RBMS3: variants seen among roughly 807,000 people sequenced by gnomAD.
The protein encoded by RBMS3 is RNA binding motif single stranded interacting protein 3, also known as RNA-binding motif, single-stranded-interacting protein 3.
A neutral mutation model predicts 66.8 loss-of-function variants in RBMS3; 27 were observed. The observed-to-expected ratio is 0.40, with a 90% CI of 0.30 to 0.56. The LOEUF is 0.56. Among genes scored for constraint, RBMS3 ranks in the 20% least tolerant of loss-of-function variants. RBMS3 has a pLI of 0.40. For missense variants in RBMS3, 513 were observed against 549.5 expected, an observed-to-expected ratio of 0.93 and a Z score of 0.66; for synonymous variants, 188 against 183.0, an observed-to-expected ratio of 1.03 and a Z score of -0.22.
chr3:29,712,253 T>G (rs1005135007), intron 4 of RBMS3, among the ~76,000 whole-genome samples: 3 of 152,124 alleles, frequency 2.0e-5, no homozygotes, highest in Non-Finnish European at 2.9e-5. Context: ...TCTGGTTATA[T>G]CTGTGAGGGT....
At chr3:29,688,336 A>T (rs188045331) in intron 4 of RBMS3, among the ~76,000 whole-genome samples, 1 of 152,172 alleles carries the variant, frequency 6.6e-6, no homozygotes, top group East Asian at 1.9e-4. Flanking sequence ...GAAGAGCTTA[A>T]TGCACTCTTG....
At chr3:29,870,247 C>A (rs915602042) in intron 7 of RBMS3, among the ~76,000 whole-genome samples, 1 of 152,122 alleles carries the variant, frequency 6.6e-6, no homozygotes, top group Middle Eastern at 3.4e-3. Context: ...AGCAGATAAC[C>A]CTATTGGCCT....
chr3:29,442,840 G>C (rs1327871236), intron 2 of RBMS3, among the ~76,000 whole-genome samples: 1 of 151,942 alleles, frequency 6.6e-6, no homozygotes, highest in East Asian at 1.9e-4. Flanking sequence ...CCTTTTGCCT[G>C]GATTTCCTCT....
chr3:29,644,774 T>G (rs975019576), intron 4 of RBMS3, among the ~76,000 whole-genome samples: 2 of 152,186 alleles, frequency 1.3e-5, no homozygotes. Context: ...GAAGAGTAGT[T>G]CATGGCTGAC....
At chr3:29,407,823 A>C (rs1262368049) in intron 1 of RBMS3, among the ~76,000 whole-genome samples, 2 of 152,204 alleles carry the variant, frequency 1.3e-5, no homozygotes, top group African/African-American at 4.8e-5. Flanking sequence ...ATGCTGTTGT[A>C]ATATTTTTGT....
At chr3:29,890,884 A>G (rs1229606161) in intron 8 of RBMS3, among the ~76,000 whole-genome samples, 1 of 151,524 alleles carries the variant, frequency 6.6e-6, no homozygotes, top group Non-Finnish European at 1.5e-5. Flanking sequence ...TTTTTTTCAA[A>G]AAGAAAAATA....
At chr3:29,383,157 C>T (rs982968346) in intron 1 of RBMS3, among the ~76,000 whole-genome samples, 18 of 152,176 alleles carry the variant, frequency 1.2e-4, no homozygotes, top group Non-Finnish European at 2.6e-4. Flanking sequence ...ATTTTAAGGA[C>T]ACTACTTATA....
At chr3:29,849,285 GC>G (rs1182102039) in intron 6 of RBMS3, among the ~76,000 whole-genome samples, 1 of 151,786 alleles carries the variant, frequency 6.6e-6, no homozygotes, top group Non-Finnish European at 1.5e-5. Flanking sequence ...GGAGGCCCAG[GC>G]GGGTGGATCA....
At chr3:29,354,426 TC>T (rs565089126) in intron 1 of RBMS3, among the ~76,000 whole-genome samples, 104 of 152,178 alleles carry the variant, frequency 6.8e-4, no homozygotes, top group Non-Finnish European at 9.7e-4. Flanking sequence ...TCTCTCTGTC[TC>T]TAAGCTTTGT....
chr3:29,575,435 T>A (rs2047087453), intron 3 of RBMS3, among the ~76,000 whole-genome samples: 1 of 152,120 alleles, frequency 6.6e-6, no homozygotes, highest in South Asian at 2.1e-4. Flanking sequence ...CCTTTCTTTA[T>A]CCTTGACTTT....
At chr3:29,435,390 G>T (rs1313200668) in intron 2 of RBMS3, among the ~76,000 whole-genome samples, 1 of 152,168 alleles carries the variant, frequency 6.6e-6, no homozygotes, top group Non-Finnish European at 1.5e-5. Flanking sequence ...ATTTGGAGAA[G>T]CATAAGACTA....
intron 4 of RBMS3, among the ~76,000 whole-genome samples, chr3:29,691,496 T>A (rs1310360799): frequency 1.3e-5 from 2 of 152,202 alleles, no homozygotes; most frequent in Admixed American, 1.3e-4. Context: ...TCTGTCAACA[T>A]CAATAAAGTG....
intron 8 of RBMS3, among the ~76,000 whole-genome samples, chr3:29,888,058 C>G (rs1197609271): frequency 6.6e-6 from 1 of 151,678 alleles, no homozygotes; most frequent in Non-Finnish European, 1.5e-5. Flanking sequence ...CTCCTGGACC[C>G]TATTGGAGTT....
At chr3:29,495,976 G>A (rs1220654632) in intron 3 of RBMS3, among the ~76,000 whole-genome samples, 1 of 152,018 alleles carries the variant, frequency 6.6e-6, no homozygotes, top group Non-Finnish European at 1.5e-5. Context: ...ACCATGGAAA[G>A]CCTCTTTTCT....
intron 14 of RBMS3, among the ~76,000 whole-genome samples, chr3:29,993,978 G>A (rs377721285): frequency 3.9e-5 from 6 of 152,216 alleles, no homozygotes; most frequent in South Asian, 2.1e-4. Flanking sequence ...CAGTGTGAGC[G>A]ACGCAGAAGA....
chr3:29,407,116 C>T (rs2040053492), intron 1 of RBMS3, among the ~76,000 whole-genome samples: 1 of 152,192 alleles, frequency 6.6e-6, no homozygotes, highest in Non-Finnish European at 1.5e-5. Flanking sequence ...CAATGCAGTT[C>T]AGTGATAAAC....
intron 13 of RBMS3, 114 bp downstream of exon 13, chr3:29,988,337 A>C: frequency 1.3e-6 from 1 of 778,140 alleles, no homozygotes; most frequent in Non-Finnish European, 2.1e-6. Context: ...CTACTCTAAA[A>C]TATGACATTG....
chr3:29,443,519 T>G (rs2041705079), intron 2 of RBMS3, among the ~76,000 whole-genome samples: 1 of 152,210 alleles, frequency 6.6e-6, no homozygotes, highest in African/African-American at 2.4e-5. Flanking sequence ...AATGTGAGAC[T>G]TCATTTGCAG....
chr3:29,501,994 A>G (rs1218703756), intron 3 of RBMS3, among the ~76,000 whole-genome samples: 1 of 152,144 alleles, frequency 6.6e-6, no homozygotes. Flanking sequence ...TACTGAGTCT[A>G]GAAGTCTCTT....
Sources: gnomAD v4.1 joint callset for allele counts (sites outside exome capture counted in the v4.1 genomes callset) on GRCh38, gnomAD v4.1.1 for gene constraint, MANE v1.5 for transcripts, NCBI Gene and HGNC (gene_info 2026-07-23, HGNC 2026-07-21) for gene names.